HS3ST4: variants seen among roughly 807,000 people sequenced by gnomAD.
HS3ST4 encodes the protein heparan sulfate-glucosamine 3-sulfotransferase 4, also known as heparan sulfate glucosamine 3-O-sulfotransferase 4.
In HS3ST4, 17 loss-of-function variants were observed where a neutral mutation model predicts 29.2. The ratio of observed to expected loss-of-function variants is 0.58; its 90% CI spans 0.40 to 0.87. The LOEUF (loss-of-function observed/expected upper bound fraction) is 0.87, where lower values mean the gene tolerates loss of function less well. Among genes scored for constraint, HS3ST4 ranks in the 40% least tolerant of loss-of-function variants. HS3ST4 has a pLI of 0.00. For missense variants in HS3ST4, 627 were observed against 634.5 expected (o/e 0.99, Z 0.13); for synonymous variants, 314 against 285.7 (o/e 1.10, Z -1.00).
At chr16:25,918,122 T>C (rs1371174669) in intron 1 of HS3ST4, among the ~76,000 whole-genome samples, 1 of 152,192 alleles carries the variant, frequency 6.6e-6, no homozygotes, top group African/African-American at 2.4e-5. Flanking sequence ...CAACACACAT[T>C]TGTTGGACAG....
At position 25,741,679 on chromosome 16, in the gene HS3ST4, G is replaced by A. The variant is rs181626405; in HGVS notation, c.734+48528G>A. ...GCCCTGTGCTAGTTTCTGCCCCATGGAGGAGACCACATATGTTGCTCTTGA... is the reference window on the plus strand; with the variant it reads ...GCCCTGTGCTAGTTTCTGCCCCATGAAGGAGACCACATATGTTGCTCTTGA... On this transcript the variant is annotated intron_variant, in intron 1 of 1. Coordinates refer to ENST00000331351, the MANE Select transcript of HS3ST4 (RefSeq NM_006040.3). Among the ~76,000 whole-genome samples the A allele has an allele frequency of 1.8e-4, 28 of 152,244 alleles. No homozygotes were observed. The East Asian group carries it at 5.0e-3, about 27-fold the overall frequency.
At chr16:26,086,653 TTTTG>T (rs1898793028) in intron 1 of HS3ST4, among the ~76,000 whole-genome samples, 1 of 152,074 alleles carries the variant, frequency 6.6e-6, no homozygotes, top group Non-Finnish European at 1.5e-5. Context: ...CCAGCCTAGA[TTTTG>T]TTTGTTTTTC....
intron 1 of HS3ST4, among the ~76,000 whole-genome samples, chr16:26,109,452 G>A (rs1035368475): frequency 3.3e-5 from 5 of 152,140 alleles, no homozygotes; most frequent in African/African-American, 1.2e-4. Flanking sequence ...TCTGAGGGTG[G>A]GGAGAGAGAA....
At chr16:26,059,331 C>CT (rs1382077621) in intron 1 of HS3ST4, among the ~76,000 whole-genome samples, 3 of 151,820 alleles carry the variant, frequency 2.0e-5, no homozygotes, top group African/African-American at 4.8e-5. Flanking sequence ...GCCTCTCTCT[C>CT]TTTTTTTTGA....
intron 1 of HS3ST4, among the ~76,000 whole-genome samples, chr16:25,980,107 A>G (rs1178282172): frequency 4.6e-5 from 7 of 152,046 alleles, no homozygotes; most frequent in Non-Finnish European, 8.8e-5. Context: ...CATGTTTCTA[A>G]AATTTGTGAC....
intron 1 of HS3ST4, among the ~76,000 whole-genome samples, chr16:26,060,462 T>G (rs1320969875): frequency 1.3e-5 from 2 of 152,206 alleles, no homozygotes; most frequent in Non-Finnish European, 2.9e-5. Context: ...TCTGACTTCC[T>G]GCTTCCTGCT....
chr16:25,888,455 G>A (rs146071101), intron 1 of HS3ST4, among the ~76,000 whole-genome samples: 120 of 152,152 alleles, frequency 7.9e-4, no homozygotes, highest in African/African-American at 2.7e-3. Context: ...TCCTTTCTCC[G>A]CAGTCACCCC....
chr16:26,136,464 A>T lies in HS3ST4; in HGVS notation c.*216A>T. 1 of 582,360 alleles carries T rather than the reference A, an allele frequency of 1.7e-6. No homozygotes were observed. Among genetic ancestry groups the T allele is most frequent in the East Asian group, 2.9e-5 (1 of 35,082 alleles). The allele number at this position is 582,360 out of a possible 1,614,324, so 36.1% of individuals were successfully genotyped here. On this transcript the variant is annotated 3_prime_UTR_variant, in exon 2 of 2. Transcript: ENST00000331351. ...GAACCAGGCCCATCTGGGCAGCAGC[A>T]TCTGGTTGACCAGATGGCCACCAGA...
At chr16:25,828,238 CTTTCTCTT>C (rs1490362647) in intron 1 of HS3ST4, among the ~76,000 whole-genome samples, 15 of 86,976 alleles carry the variant, frequency 1.7e-4, no homozygotes, top group South Asian at 8.0e-4. Flanking sequence ...TTCTTTCTTT[CTTTCTCTT>C]TCTTTCTTTC....
intron 1 of HS3ST4, among the ~76,000 whole-genome samples, chr16:25,776,497 T>C (rs1338360241): frequency 1.3e-5 from 2 of 152,228 alleles, no homozygotes; most frequent in Admixed American, 6.5e-5. Context: ...TGATGTCTCA[T>C]GTCTCCCTAA....
At chr16:26,078,733 T>G (rs1403275832) in intron 1 of HS3ST4, among the ~76,000 whole-genome samples, 7 of 152,246 alleles carry the variant, frequency 4.6e-5, no homozygotes, top group African/African-American at 1.7e-4. Flanking sequence ...AATTTATGTT[T>G]GAACAAATTC....
At chr16:26,006,372 A>AGTTT (rs956198531) in intron 1 of HS3ST4, among the ~76,000 whole-genome samples, 7 of 146,416 alleles carry the variant, frequency 4.8e-5, no homozygotes, top group African/African-American at 1.8e-4. Flanking sequence ...ATTGTTTTTC[A>AGTTT]GTTTGTTTGT....
At chr16:25,866,448 A>T (rs1051390520) in intron 1 of HS3ST4, among the ~76,000 whole-genome samples, 6 of 152,228 alleles carry the variant, frequency 3.9e-5, no homozygotes, top group Non-Finnish European at 7.3e-5. Context: ...AATGTGGTAC[A>T]TATACACTAT....
intron 1 of HS3ST4, among the ~76,000 whole-genome samples, chr16:25,733,952 A>G (rs1380993518): frequency 6.6e-6 from 1 of 152,172 alleles, no homozygotes; most frequent in Non-Finnish European, 1.5e-5. Context: ...CCCTGTCTCT[A>G]CTAAAAATAC....
At chr16:25,970,142 G>A (rs1054579021) in intron 1 of HS3ST4, among the ~76,000 whole-genome samples, 16 of 152,222 alleles carry the variant, frequency 1.1e-4, no homozygotes, top group East Asian at 3.9e-4. Context: ...CAGCAGGTGC[G>A]AATGCAAGGA....
intron 1 of HS3ST4, among the ~76,000 whole-genome samples, chr16:25,695,550 C>T (rs562270564): frequency 6.6e-5 from 10 of 152,248 alleles, no homozygotes; most frequent in South Asian, 4.2e-4. Context: ...CTCTCACTCC[C>T]GTATAGGAAG....
intron 1 of HS3ST4, among the ~76,000 whole-genome samples, chr16:25,775,101 A>G (rs1049267344): frequency 7.9e-5 from 12 of 152,186 alleles, no homozygotes; most frequent in Non-Finnish European, 4.4e-5. Flanking sequence ...TGGCAGATTG[A>G]TCCATCAAGG....
Position 25,891,549 on chromosome 16 carries a change from T to A in HS3ST4, c.734+198398T>A, listed in dbSNP as rs114824574. ...ACATGTGGTATCACCATTTGGTCTC[T>A]GTGTCGAGACTGAGTGTCCCATGAG... is the stretch of plus-strand genomic sequence containing the variant. On this transcript the variant is annotated intron_variant, in intron 1 of 1. Transcript: ENST00000331351. Among the ~76,000 whole-genome samples the A allele has an allele frequency of 5.8e-3, 881 of 152,316 alleles. 11 individuals carry two copies. The highest frequency in any genetic ancestry group is 0.02 in the African/African-American group (839 of 41,558).
intron 1 of HS3ST4, among the ~76,000 whole-genome samples, chr16:25,772,741 C>T (rs1310220926): frequency 1.3e-5 from 2 of 152,156 alleles, no homozygotes; most frequent in Non-Finnish European, 2.9e-5. Context: ...AGGAATTCAG[C>T]GCTTCTAACT....
Sources: allele counts gnomAD v4.1 joint callset (sites outside exome capture counted in the v4.1 genomes callset), GRCh38; gene constraint gnomAD v4.1.1; transcripts MANE v1.5; gene names NCBI Gene and HGNC (gene_info 2026-07-23, HGNC 2026-07-21).